The following DNAJC6 variants were observed in gnomAD, a reference collection of about 807,000 sequenced individuals.
The protein encoded by DNAJC6 is DnaJ heat shock protein family (Hsp40) member C6, also known as auxilin.
DNAJC6 carries 34 observed loss-of-function variants against 110.0 expected under a neutral mutation model. The ratio of observed to expected loss-of-function variants is 0.31; its 90% CI spans 0.24 to 0.41. The LOEUF (loss-of-function observed/expected upper bound fraction) is 0.41, where lower values mean the gene tolerates loss of function less well. Among genes scored for constraint, DNAJC6 ranks in the 10% least tolerant of loss-of-function variants. The pLI is 1.00. For missense variants in DNAJC6, 1,031 were observed against 1,207.8 expected (o/e 0.85, Z 2.17); for synonymous variants, 406 against 437.2 (o/e 0.93, Z 0.89).
intron 4 of DNAJC6, among the ~76,000 whole-genome samples, chr1:65,372,118 G>A (rs1447167954): frequency 2.0e-5 from 3 of 151,076 alleles, no homozygotes; most frequent in Admixed American, 1.3e-4. Context: ...ACTTTTAGCT[G>A]AGACTCATTA....
intron 1 of DNAJC6, among the ~76,000 whole-genome samples, chr1:65,270,399 C>T (rs985432715): frequency 1.3e-5 from 2 of 151,924 alleles, no homozygotes; most frequent in African/African-American, 4.8e-5. Context: ...TTATATGTTA[C>T]TCAGAGTTTA....
chr1:65,330,175 C>T (rs932446204), intron 1 of DNAJC6, among the ~76,000 whole-genome samples: 2 of 152,162 alleles, frequency 1.3e-5, no homozygotes. Flanking sequence ...CCTAGTCATT[C>T]TCCTTATGGA....
At chr1:65,342,356 G>C (rs1207579601) in intron 1 of DNAJC6, among the ~76,000 whole-genome samples, 2 of 152,150 alleles carry the variant, frequency 1.3e-5, no homozygotes, top group Non-Finnish European at 2.9e-5. Flanking sequence ...TGATGGCAGA[G>C]CCATCGTGAA....
In DNAJC6 at chr1:65,415,537, A is replaced by G. The variant is rs931376889; in HGVS notation, c.*2512A>G. On this transcript the variant is annotated 3_prime_UTR_variant, in exon 19 of 19. Transcript: ENST00000371069. ...GCTACATGATATATGTTTCAAAAAG[A>G]ATTAGCATAGAAATCCTGGTCTCCT... 1.3e-5 allele frequency: 2 copies of G among 152,144 alleles called. No homozygotes were observed. The highest frequency in any genetic ancestry group is 4.8e-5 in the African/African-American group (2 of 41,408). The allele number at this position is 152,144 out of a possible 1,614,324, so 9.4% of individuals were successfully genotyped here.
At chr1:65,283,324 CT>C (rs1653911404) in intron 1 of DNAJC6, among the ~76,000 whole-genome samples, 1 of 152,166 alleles carries the variant, frequency 6.6e-6, no homozygotes, top group South Asian at 2.1e-4. Context: ...GTCCTTAACC[CT>C]TGGAAATTTA....
rs1553148387 is a variant in DNAJC6, at chr1:65,406,037, C to T, written c.2395C>T (p.Pro799Ser). Residue 799 changes from proline (P) to serine (S), a missense_variant, in exon 16 of 19, where the codon CCC becomes TCC. Pro to Ser is a moderately conservative substitution (Grantham distance 74). Coordinates refer to ENST00000371069, the MANE Select transcript of DNAJC6 (RefSeq NM_001256864.2). ...QPQPKPQPSM[P>S]HSSPQNRPNY... is the part of the protein sequence containing the mutation. The stretch of plus-strand genomic sequence containing the variant: ...ACAGCCTAAGCCTCAGCCCAGCATG[C>T]CCCACTCCTCTCCCCAGAACCGACC... 6.2e-7 allele frequency: 1 copy of T among 1,614,170 alleles called. No homozygotes were observed. The highest frequency in any genetic ancestry group is 8.5e-7 in the Non-Finnish European group (1 of 1,180,044).
At chr1:65,407,984 A>T (rs970614224) in intron 16 of DNAJC6, among the ~76,000 whole-genome samples, 1 of 152,208 alleles carries the variant, frequency 6.6e-6, no homozygotes, top group Non-Finnish European at 1.5e-5. Context: ...ATTCATTTTC[A>T]AAACAAGTCC....
At chr1:65,408,373 G>T (rs1304709768) in intron 16 of DNAJC6, among the ~76,000 whole-genome samples, 1 of 152,128 alleles carries the variant, frequency 6.6e-6, no homozygotes, top group Non-Finnish European at 1.5e-5. Flanking sequence ...CTAAAGAGAA[G>T]GTACAGTGGA....
intron 1 of DNAJC6, among the ~76,000 whole-genome samples, chr1:65,275,387 T>A (rs542014140): frequency 6.6e-6 from 1 of 152,340 alleles, no homozygotes; most frequent in East Asian, 1.9e-4. Context: ...CCCAGCACTT[T>A]AAAACATGTT....
chr1:65,305,076 T>C (rs2101320928), upstream of DNAJC6, among the ~76,000 whole-genome samples: 1 of 152,362 alleles, frequency 6.6e-6, no homozygotes, highest in East Asian at 1.9e-4. Flanking sequence ...ATACTGTGCA[T>C]TGATTTATGT....
intron 1 of DNAJC6, among the ~76,000 whole-genome samples, chr1:65,292,702 T>C (rs926485943): frequency 3.9e-5 from 6 of 152,170 alleles, no homozygotes; most frequent in Non-Finnish European, 7.3e-5. Flanking sequence ...CCCAAAGTAC[T>C]GGGAATATAG....
At chr1:65,377,305 C>A (rs1194297902) in intron 4 of DNAJC6, among the ~76,000 whole-genome samples, 1 of 152,156 alleles carries the variant, frequency 6.6e-6, no homozygotes. Flanking sequence ...TTTATGATTC[C>A]TCTGACAGCA....
chr1:65,366,573 G>T (rs1310179963), intron 4 of DNAJC6, among the ~76,000 whole-genome samples: 1 of 152,108 alleles, frequency 6.6e-6, no homozygotes, highest in East Asian at 1.9e-4. Context: ...TTGCTACTTG[G>T]TATCAAGATA....
At chr1:65,305,963 A>G (rs1365942050), upstream of DNAJC6, among the ~76,000 whole-genome samples, 1 of 152,206 alleles carries the variant, frequency 6.6e-6, no homozygotes, top group Non-Finnish European at 1.5e-5. Flanking sequence ...TGATGGCATT[A>G]CTATAATCCT....
chr1:65,349,730 A>ATTTTCT (rs71056102), intron 1 of DNAJC6, among the ~76,000 whole-genome samples: 106,858 of 150,586 alleles, frequency 0.71, 38,969 homozygotes, highest in African/African-American at 0.88. Flanking sequence ...AGCTACTAAG[A>ATTTTCT]TTTTCTTTTT....
chr1:65,370,533 G>T (rs564315864), intron 4 of DNAJC6, among the ~76,000 whole-genome samples: 1 of 152,278 alleles, frequency 6.6e-6, no homozygotes, highest in South Asian at 2.1e-4. Flanking sequence ...ATGGAAAGCT[G>T]GATGAATGTA....
chr1:65,286,005 A>T (rs983030438), intron 1 of DNAJC6, among the ~76,000 whole-genome samples: 3 of 152,152 alleles, frequency 2.0e-5, no homozygotes, highest in African/African-American at 4.8e-5. Flanking sequence ...TAATTTGTCA[A>T]ACCCAGCACT....
chr1:65,264,805 AG>A (rs1653260373), exon 1 of DNAJC6: 1 of 1,550,966 alleles, frequency 6.4e-7, no homozygotes, highest in African/African-American at 1.4e-5. Context: ...CTCCGTTGAG[AG>A]ACTTCGCCCC....
At chr1:65,316,529 T>C (rs1456085917) in intron 1 of DNAJC6, among the ~76,000 whole-genome samples, 1 of 152,206 alleles carries the variant, frequency 6.6e-6, no homozygotes, top group Non-Finnish European at 1.5e-5. Flanking sequence ...CTGGGTCTTA[T>C]TTGCCTTTGT....
Sources: allele counts gnomAD v4.1 joint callset (sites outside exome capture counted in the v4.1 genomes callset), GRCh38; gene constraint gnomAD v4.1.1; transcripts MANE v1.5; gene names NCBI Gene and HGNC (gene_info 2026-07-23, HGNC 2026-07-21).